TM4SF18: variants seen among roughly 807,000 people sequenced by gnomAD.
The protein encoded by TM4SF18 is transmembrane 4 L six family member 18.
Under a neutral mutation model 23.8 loss-of-function variants are expected in TM4SF18, and 22 were observed. The observed-to-expected ratio is 0.92, with a 90% CI of 0.66 to 1.32. TM4SF18 has a LOEUF of 1.32. Among genes scored for constraint, TM4SF18 ranks in the 40% most tolerant of loss-of-function variants. The pLI, the probability that TM4SF18 is intolerant of heterozygous loss-of-function variation, is 0.00. For missense variants in TM4SF18, 255 were observed against 240.3 expected, an observed-to-expected ratio of 1.06 and a Z score of -0.41; for synonymous variants, 87 against 87.9, an observed-to-expected ratio of 0.99 and a Z score of 0.06.
chr3:149,333,246 T>C lies in TM4SF18; in HGVS notation c.137A>G (p.Tyr46Cys). ...ACAGATTCCTTCAAAATACCACACG[T>C]AGTTGGTGAGTTTATTGCTGGATGC... Reference protein sequence around the residue: ...SYASSNKLTNYVWYFEGICFS... With the variant: ...SYASSNKLTNCVWYFEGICFS... Residue 46 changes from tyrosine to cysteine, a missense_variant, in exon 2 of 6, where the codon TAC becomes TGC. By Grantham distance (194) the Tyr-to-Cys change is radical. Transcript: ENST00000296059. The C allele has an allele frequency of 1.9e-6, 3 of 1,613,406 alleles. No individual in the cohort carries two copies. The highest frequency in any genetic ancestry group is 1.7e-5 in the Admixed American group (1 of 59,934).
rs187565029 is a variant in TM4SF18 at position 149,326,692 on chromosome 3, T to C, written c.268-1670A>G. ...TTCCATTTCCCATTCCTCTCTCCTT[T>C]GCCTCTGTCTATATTTTCTGGACTC... On this transcript the variant is annotated intron_variant, in intron 3 of 5. Coordinates refer to ENST00000296059, the MANE Select transcript of TM4SF18 (RefSeq NM_138786.4). Among the ~76,000 whole-genome samples, 5 of 152,316 alleles carry C rather than the reference T, an allele frequency of 3.3e-5. No homozygotes were observed. In the East Asian group the frequency reaches 9.6e-4, roughly 29 times the overall value.
intron 2 of TM4SF18, among the ~76,000 whole-genome samples, chr3:149,330,721 G>T (rs1261044657): frequency 1.3e-5 from 2 of 152,212 alleles, no homozygotes; most frequent in Admixed American, 1.3e-4. Context: ...TTAAGGAGAA[G>T]TAAATGGATG....
intron 5 of TM4SF18, 29 bp downstream of exon 5, chr3:149,322,227 A>G: frequency 6.3e-7 from 1 of 1,582,148 alleles, no homozygotes; most frequent in Non-Finnish European, 8.6e-7. Context: ...AATATGGATG[A>G]GCTACAGGTG....
intron 1 of TM4SF18, 29 bp downstream of exon 1, chr3:149,333,484 T>TC: frequency 7.9e-6 from 1 of 126,700 alleles, no homozygotes; most frequent in Non-Finnish European, 1.1e-5. Context: ...CTCTCTCTCT[T>TC]TTTTTTTTTT....
rs546353302 is a variant in TM4SF18 at position 149,326,143 on chromosome 3, T to C, written c.268-1121A>G. 2.0e-5 allele frequency among the ~76,000 whole-genome samples: 3 copies of C among 152,340 alleles called. No individual in the cohort carries two copies. The East Asian group carries it at 5.8e-4, about 29-fold the overall frequency. The stretch of plus-strand genomic sequence containing the variant: ...CTATTATTTTGTAACTTTTAAATTT[T>C]TTTTGTACAGGATCCAATAAAGGTT... On this transcript the variant is annotated intron_variant, in intron 3 of 5. Coordinates refer to ENST00000296059, the MANE Select transcript of TM4SF18 (RefSeq NM_138786.4).
chr3:149,333,300 A>G lies in TM4SF18; in HGVS notation c.83T>C (p.Leu28Ser). ...GGAAGTTTGCCCATTCGGGAAATAC[A>G]ATAATATGTTCACGATTATACTCCA... Reference protein sequence around the residue: ...ALWSIIVNILLYFPNGQTSYA... With the variant: ...ALWSIIVNILSYFPNGQTSYA... Residue 28 changes from leucine to serine, a missense_variant, in exon 2 of 6, where the codon TTG becomes TCG. Leu to Ser is a moderately radical substitution (Grantham distance 145). Transcript: ENST00000296059. The G allele has an allele frequency of 6.2e-7, 1 of 1,613,570 alleles. No homozygotes were observed. The highest frequency in any genetic ancestry group is 8.5e-7 in the Non-Finnish European group (1 of 1,179,946).
At chr3:149,329,327 C>T (rs972331531) in intron 3 of TM4SF18, among the ~76,000 whole-genome samples, 3 of 152,072 alleles carry the variant, frequency 2.0e-5, no homozygotes, top group African/African-American at 7.2e-5. Context: ...TTGAAATATC[C>T]TGGGGAGATT....
At chr3:149,326,312 T>G (rs1469315070) in intron 3 of TM4SF18, among the ~76,000 whole-genome samples, 4 of 152,186 alleles carry the variant, frequency 2.6e-5, no homozygotes, top group Non-Finnish European at 4.4e-5. Flanking sequence ...TCTGATTATT[T>G]TCTCACAATT....
chr3:149,325,710 C>T (rs1183151011), intron 3 of TM4SF18, among the ~76,000 whole-genome samples: 1 of 152,120 alleles, frequency 6.6e-6, no homozygotes, highest in Non-Finnish European at 1.5e-5. Flanking sequence ...CACAATTCAG[C>T]CCTTGAGTAG....
In TM4SF18 at chr3:149,319,403, A is replaced by G. The variant is rs896705585; in HGVS notation, c.*2075T>C. The stretch of plus-strand genomic sequence containing the variant: ...TCTTGGTCCAAGTCCTTCAGACCTC[A>G]TATTTAAGTTCTTTGGAAAGTAGAG... On this transcript the variant is annotated 3_prime_UTR_variant, in exon 6 of 6. Coordinates refer to ENST00000296059, the MANE Select transcript of TM4SF18 (RefSeq NM_138786.4). 1.3e-5 allele frequency: 2 copies of G among 152,200 alleles called. No individual in the cohort carries two copies. Among genetic ancestry groups the G allele is most frequent in the Non-Finnish European group, 2.9e-5 (2 of 68,040 alleles). The allele number at this position is 152,200 out of a possible 1,614,324, so 9.4% of individuals were successfully genotyped here. A position where few individuals can be genotyped will look rare whatever the true frequency, so the allele number is the denominator to read the frequency against.
chr3:149,331,626 G>A (rs60137254), intron 2 of TM4SF18, among the ~76,000 whole-genome samples: 2 of 152,138 alleles, frequency 1.3e-5, no homozygotes. Flanking sequence ...TATTGCTCAG[G>A]CATCAACTGT....
At chr3:149,333,171 C>G (rs746433744) in intron 2 of TM4SF18, 35 bp downstream of exon 2, 1 of 1,570,550 alleles carries the variant, frequency 6.4e-7, no homozygotes, top group South Asian at 1.2e-5. Flanking sequence ...ATTACAACTC[C>G]CCCTTCTCTC....
chr3:149,325,067 AG>A (rs1280537159), intron 3 of TM4SF18, 45 bp from the exon 4 acceptor site: 1 of 1,588,580 alleles, frequency 6.3e-7, no homozygotes, highest in African/African-American at 1.4e-5. Flanking sequence ...GAATGCGACA[AG>A]GGGATATTGT....
chr3:149,320,087 C>T lies in TM4SF18; in HGVS notation c.*1391G>A, dbSNP rs1730771901. 1 of 152,328 alleles carries T rather than the reference C, an allele frequency of 6.6e-6. No homozygotes were observed. Among genetic ancestry groups the T allele is most frequent in the Non-Finnish European group, 1.5e-5 (1 of 68,140 alleles). The allele number at this position is 152,328 out of a possible 1,614,324, so 9.4% of individuals were successfully genotyped here. A position where few individuals can be genotyped will look rare whatever the true frequency, so the allele number is the denominator to read the frequency against. On this transcript the variant is annotated 3_prime_UTR_variant, in exon 6 of 6. Coordinates refer to ENST00000296059, the MANE Select transcript of TM4SF18 (RefSeq NM_138786.4). Reference sequence around the variant, plus strand: ...CAGGCATCAAGGAGAAAGATATTCTCTTCCGTATCCCCCCAGCCTACTCCC... The same window carrying T: ...CAGGCATCAAGGAGAAAGATATTCTTTTCCGTATCCCCCCAGCCTACTCCC...
At chr3:149,333,487 T>TTTG in intron 1 of TM4SF18, 26 bp downstream of exon 1, 8 of 864,702 alleles carry the variant, frequency 9.3e-6, no homozygotes, top group Middle Eastern at 3.5e-4. Flanking sequence ...TCTCTCTTTT[T>TTTG]TTTTTTTTTT....
chr3:149,330,083 G>T, intron 3 of TM4SF18: 1 of 285,412 alleles, frequency 3.5e-6, no homozygotes, highest in Non-Finnish European at 6.5e-6. Flanking sequence ...ACTTAGTTAG[G>T]AAAAAAAAGT....
At chr3:149,323,524 G>T (rs534761932) in intron 4 of TM4SF18, among the ~76,000 whole-genome samples, 3 of 152,104 alleles carry the variant, frequency 2.0e-5, no homozygotes, top group Non-Finnish European at 4.4e-5. Context: ...CTGGAGCCGC[G>T]GCAGAGAAAC....
intron 4 of TM4SF18, among the ~76,000 whole-genome samples, chr3:149,322,905 C>CTTTTTTTT (rs34338382): frequency 2.3e-5 from 3 of 128,764 alleles, no homozygotes; most frequent in East Asian, 2.2e-4. Flanking sequence ...GGCCTCCAGA[C>CTTTTTTTT]TTTTTTTTTT....
chr3:149,321,417 A>C lies in TM4SF18; in HGVS notation c.*61T>G. 1 of 1,285,900 alleles carries C rather than the reference A, an allele frequency of 7.8e-7. No homozygotes were observed. Among genetic ancestry groups the C allele is most frequent in the Non-Finnish European group, 1.1e-6 (1 of 921,446 alleles). The allele number at this position is 1,285,900 out of a possible 1,614,324, so 79.7% of individuals were successfully genotyped here. A position where few individuals can be genotyped will look rare whatever the true frequency, so the allele number is the denominator to read the frequency against. On this transcript the variant is annotated 3_prime_UTR_variant, in exon 6 of 6. Transcript: ENST00000296059. ...TTCAATATTGCCCTCAAGTCTACAC[A>C]GTTGATATAATATTTAGATAGATGG... is the stretch of plus-strand genomic sequence containing the variant.
Sources: gnomAD v4.1 joint callset for allele counts (sites outside exome capture counted in the v4.1 genomes callset) on GRCh38, gnomAD v4.1.1 for gene constraint, MANE v1.5 for transcripts, NCBI Gene and HGNC (gene_info 2026-07-23, HGNC 2026-07-21) for gene names.